Variants in TAF1B observed in about 807,000 individuals in gnomAD.
The protein encoded by TAF1B is TATA-box binding protein associated factor, RNA polymerase I subunit B.
TAF1B carries 61 observed loss-of-function variants against 83.9 expected under a neutral mutation model. The observed-to-expected ratio is 0.73, with a 90% confidence interval of 0.59 to 0.90. The LOEUF (loss-of-function observed/expected upper bound fraction) is 0.90. Among genes scored for constraint, TAF1B ranks in the 40% least tolerant of loss-of-function variants. TAF1B has a pLI of 0.00. For synonymous variants in TAF1B, 221 were observed against 224.6 expected (o/e 0.98, Z 0.14); for missense variants, 625 against 677.0 (o/e 0.92, Z 0.85).
chr2:9,857,455 C>T (rs1455288645), intron 5 of TAF1B, among the ~76,000 whole-genome samples: 1 of 152,122 alleles, frequency 6.6e-6, no homozygotes, highest in Admixed American at 6.6e-5. Flanking sequence ...GGATTTTGAC[C>T]TAAGCAGCTG....
At chr2:9,904,817 GT>G (rs749749441) in intron 8 of TAF1B, 41 bp from the exon 9 acceptor site, 2 of 1,565,964 alleles carry the variant, frequency 1.3e-6, no homozygotes, top group Non-Finnish European at 1.7e-6. Context: ...AATAAGTTTT[GT>G]TGCAAAAATT....
chr2:9,850,152 T>C (rs115611454), intron 3 of TAF1B, among the ~76,000 whole-genome samples: 6,848 of 152,242 alleles, frequency 0.045, 223 homozygotes, highest in South Asian at 0.063. Flanking sequence ...GTAGTGACTT[T>C]TTATTAGGCT....
chr2:9,845,600 A>G, intron 2 of TAF1B: 1 of 320,220 alleles, frequency 3.1e-6, no homozygotes, highest in Non-Finnish European at 6.0e-6. Context: ...TTAGAAGATG[A>G]TGCATTTCTT....
At chr2:9,900,261 C>T (rs974031501) in intron 8 of TAF1B, among the ~76,000 whole-genome samples, 2 of 152,182 alleles carry the variant, frequency 1.3e-5, no homozygotes, top group South Asian at 2.1e-4. Context: ...GGGCTGCATG[C>T]AGTGGCTCAT....
At chr2:9,878,510 CTG>C (rs1664392767) in intron 7 of TAF1B, among the ~76,000 whole-genome samples, 1 of 152,186 alleles carries the variant, frequency 6.6e-6, no homozygotes, top group Non-Finnish European at 1.5e-5. Flanking sequence ...TACCTTAACA[CTG>C]TGCATGTCAC....
intron 5 of TAF1B, among the ~76,000 whole-genome samples, chr2:9,855,965 C>A (rs1416654879): frequency 6.6e-6 from 1 of 152,088 alleles, no homozygotes; most frequent in Non-Finnish European, 1.5e-5. Context: ...AAGTAAGGGA[C>A]CATCTATAGT....
At chr2:9,870,700 C>G (rs1318117471) in intron 6 of TAF1B, among the ~76,000 whole-genome samples, 1 of 152,136 alleles carries the variant, frequency 6.6e-6, no homozygotes, top group Non-Finnish European at 1.5e-5. Context: ...CCAGTACATG[C>G]ATGTGCATTT....
At chr2:9,864,147 G>A (rs569630498) in intron 5 of TAF1B, among the ~76,000 whole-genome samples, 2 of 152,084 alleles carry the variant, frequency 1.3e-5, no homozygotes, top group African/African-American at 2.4e-5. Flanking sequence ...CGAAAAATCA[G>A]TGAATCCAGG....
At position 9,914,640 on chromosome 2, in the gene TAF1B, C is replaced by A. The variant is rs114807513; in HGVS notation, c.1271+1391C>A. On this transcript the variant is annotated intron_variant, in intron 12 of 14. Coordinates refer to ENST00000263663, the MANE Select transcript of TAF1B (RefSeq NM_005680.3). The surrounding 1 kb of genome is among the most constrained non-coding windows in gnomAD (Gnocchi z 4.3). ...TGTCAGTTGCACATTTAAGACTTAC[C>A]GGCTTTTAGCTACTTTAGGGAATAA... is the stretch of plus-strand genomic sequence containing the variant. Among the ~76,000 whole-genome samples the A allele has an allele frequency of 2.0e-5, 3 of 152,218 alleles. No individual in the cohort carries two copies. Among genetic ancestry groups the A allele is most frequent in the Admixed American group, 2.0e-4 (3 of 15,292 alleles).
chr2:9,883,888 G>T lies in TAF1B; in HGVS notation c.807+1083G>T, dbSNP rs537598285. 3.9e-5 allele frequency among the ~76,000 whole-genome samples: 6 copies of T among 152,332 alleles called. 1 individual carries two copies. The South Asian group carries it at 1.0e-3, about 26-fold the overall frequency. Reference sequence around the variant, plus strand: ...AATAGGAAGGATGTCATATTGTTGCGGGATCTTTGGGGTGCCGTTTTTCTG... The same window carrying T: ...AATAGGAAGGATGTCATATTGTTGCTGGATCTTTGGGGTGCCGTTTTTCTG... On this transcript the variant is annotated intron_variant, in intron 8 of 14. Coordinates refer to ENST00000263663, the MANE Select transcript of TAF1B (RefSeq NM_005680.3).
intron 5 of TAF1B, among the ~76,000 whole-genome samples, chr2:9,866,851 T>C (rs959650170): frequency 4.0e-5 from 6 of 151,096 alleles, no homozygotes; most frequent in East Asian, 1.9e-4. Flanking sequence ...AAACCAAACA[T>C]CGCATGTTCT....
chr2:9,925,940 A>G (rs12468764), intron 14 of TAF1B, among the ~76,000 whole-genome samples: 77,581 of 151,940 alleles, frequency 0.51, 22,875 homozygotes, highest in Non-Finnish European at 0.68. Context: ...TATTATGTAA[A>G]TCATAATATC....
At chr2:9,918,919 C>T (rs1665782777) in intron 12 of TAF1B, 122 bp from the exon 13 acceptor site, 1 of 824,444 alleles carries the variant, frequency 1.2e-6, no homozygotes, top group Non-Finnish European at 2.0e-6. Flanking sequence ...AGACATGTGC[C>T]AGTAGGCCAT....
chr2:9,910,621 G>T (rs1572275832), intron 9 of TAF1B, 115 bp from the exon 10 acceptor site: 2 of 778,060 alleles, frequency 2.6e-6, no homozygotes, highest in Non-Finnish European at 3.8e-6. Flanking sequence ...ACAAAATGTG[G>T]GTCTCTGAGT....
chr2:9,888,594 T>A (rs79146685), intron 8 of TAF1B, among the ~76,000 whole-genome samples: 6,667 of 152,106 alleles, frequency 0.044, 192 homozygotes, highest in Non-Finnish European at 0.066. Context: ...TTCAGTACTT[T>A]AAAGATGTCA....
chr2:9,852,548 C>T (rs760316282), intron 4 of TAF1B, among the ~76,000 whole-genome samples: 2 of 151,908 alleles, frequency 1.3e-5, no homozygotes, highest in African/African-American at 2.4e-5. Context: ...CTGGAGTGCA[C>T]TGGCATGATC....
At chr2:9,909,328 G>A (rs1431347562) in intron 9 of TAF1B, among the ~76,000 whole-genome samples, 1 of 152,160 alleles carries the variant, frequency 6.6e-6, no homozygotes, top group African/African-American at 2.4e-5. Context: ...CTCAGAAGAG[G>A]GCCAGTCACA....
At chr2:9,906,393 A>G (rs1260747591) in intron 9 of TAF1B, among the ~76,000 whole-genome samples, 2 of 152,210 alleles carry the variant, frequency 1.3e-5, no homozygotes, top group Non-Finnish European at 2.9e-5. Context: ...TGGAGGCAGT[A>G]TTATAAAAAA....
At chr2:9,900,853 C>T (rs1219395444) in intron 8 of TAF1B, among the ~76,000 whole-genome samples, 1 of 152,102 alleles carries the variant, frequency 6.6e-6, no homozygotes, top group Admixed American at 6.5e-5. Flanking sequence ...AGAAGTTTGA[C>T]ATACTAGAAA....
Sources: gnomAD v4.1 joint callset for allele counts (sites outside exome capture counted in the v4.1 genomes callset) on GRCh38, gnomAD v4.1.1 for gene constraint, Gnocchi (gnomAD v3.1) non-coding constraint, MANE v1.5 for transcripts, NCBI Gene and HGNC (gene_info 2026-07-23, HGNC 2026-07-21) for gene names.